KMT2A: variants seen among roughly 807,000 people sequenced by gnomAD.
KMT2A encodes lysine methyltransferase 2A.
Under a neutral mutation model 345.3 loss-of-function variants are expected in KMT2A, and 16 were observed. That is an observed-to-expected ratio of 0.05 (90% CI 0.03 to 0.07). KMT2A has a LOEUF of 0.07. Ranked by LOEUF, KMT2A falls within the 10% of genes least tolerant of loss-of-function variation. The probability of loss-of-function intolerance (pLI) is 1.00; values close to 1 mark genes in which losing one functional copy is unlikely to be tolerated. For synonymous variants in KMT2A, 1,599 were observed against 1,778.6 expected, an observed-to-expected ratio of 0.90 and a Z score of 2.54; for missense variants, 3,272 against 4,841.6, an observed-to-expected ratio of 0.68 and a Z score of 9.62.
chr11:118,451,207 C>CT (rs1167567348), intron 1 of KMT2A, among the ~76,000 whole-genome samples: 18,503 of 120,996 alleles, frequency 0.15, 1,998 homozygotes, highest in East Asian at 0.51. Context: ...CTATCTAATT[C>CT]TTTTTTTTTT....
At position 118,503,987 on chromosome 11, in the gene KMT2A, C is replaced by G; in HGVS notation, c.8095C>G (p.Arg2699Gly). The G allele has an allele frequency of 6.2e-7, 1 of 1,614,148 alleles. No individual in the cohort carries two copies. The highest frequency in any genetic ancestry group is 2.2e-5 in the East Asian group (1 of 44,892). ...RTVISSGGEERLASHNLFREE... is the reference protein window; with the variant it reads ...RTVISSGGEEGLASHNLFREE... ...AGTGATTTCTTCAGGTGGAGAGGAA[C>G]GACTGGCATCCCATAATTTATTTCG... The change falls in exon 27 of 36, where the codon CGA becomes GGA. Residue 2699 changes from arginine (R) to glycine (G), a missense_variant. Physicochemically the swap from Arg to Gly is moderately radical, Grantham distance 125 (BLOSUM62 -2). Coordinates refer to ENST00000534358, the MANE Select transcript of KMT2A (RefSeq NM_001197104.2). This position sits in a 1 kb window ranked among gnomAD's most constrained non-coding sequence, Gnocchi z 5.3.
chr11:118,468,044 A>C (rs910305382), intron 1 of KMT2A, among the ~76,000 whole-genome samples: 15 of 152,146 alleles, frequency 9.9e-5, no homozygotes, highest in African/African-American at 1.4e-4. Context: ...ATTAGAGGTA[A>C]GCAGAAGCTT....
chr11:118,522,409 A>G lies in KMT2A; in HGVS notation c.*237A>G. On this transcript the variant is annotated 3_prime_UTR_variant, in exon 36 of 36. Transcript: ENST00000534358. The surrounding 1 kb of genome is among the most constrained non-coding windows in gnomAD (Gnocchi z 5.4). ...ATCGGCTTTCTCCTGGGGCCCCTCCAATTGTTTACTGTTAGAAAGTGGGAA... is the reference window on the plus strand; with the variant it reads ...ATCGGCTTTCTCCTGGGGCCCCTCCGATTGTTTACTGTTAGAAAGTGGGAA... 4.0e-6 allele frequency: 2 copies of G among 497,218 alleles called. No individual in the cohort carries two copies. Among genetic ancestry groups the G allele is most frequent in the Non-Finnish European group, 7.3e-6 (2 of 275,628 alleles). 30.8% of individuals were successfully genotyped at this position (497,218 alleles called of 1,614,324 possible).
chr11:118,474,039 A>G lies in KMT2A; in HGVS notation c.2880A>G (p.Ile960Met), dbSNP rs782199640. 25 of 1,613,634 alleles carry G rather than the reference A, an allele frequency of 1.5e-5. No individual in the cohort carries two copies. The highest frequency in any genetic ancestry group is 2.1e-5 in the Non-Finnish European group (25 of 1,179,924). ...LGDTTAVKTK[I>M]LIKKGRGNLE... ...ATACAACAGCTGTCAAAACCAAAAT[A>G]CTTATAAAGAAAGGGAGAGGAAATC... Residue 960 changes from isoleucine (I) to methionine (M), a missense_variant, in exon 3 of 36, where the codon ATA (isoleucine) becomes ATG (methionine). Ile to Met is a conservative substitution (Grantham distance 10). Coordinates refer to ENST00000534358, the MANE Select transcript of KMT2A (RefSeq NM_001197104.2).
At position 118,468,798 on chromosome 11, in the gene KMT2A, C is replaced by T. The variant is rs782503601; in HGVS notation, c.456C>T (p.Gly152=). The T allele has an allele frequency of 6.2e-6, 10 of 1,612,706 alleles. No homozygotes were observed. Among genetic ancestry groups the T allele is most frequent in the African/African-American group, 4.0e-5 (3 of 74,860 alleles). ...SGEDEQFLGF[G]SDEEVRVRSP... ...AGGATGAGCAATTCTTAGGTTTTGG[C>T]TCAGATGAAGAAGTCAGAGTGCGAA... The change falls in exon 2 of 36, where the codon GGC becomes GGT. Residue 152 remains glycine, a synonymous_variant. Transcript: ENST00000534358.
At chr11:118,517,455 T>G (rs1354686777) in intron 31 of KMT2A, among the ~76,000 whole-genome samples, 1 of 151,954 alleles carries the variant, frequency 6.6e-6, no homozygotes, top group African/African-American at 2.4e-5. Flanking sequence ...TTATATGGCT[T>G]AAGTTCTTAT....
At position 118,510,214 on chromosome 11, in the gene KMT2A, A is replaced by G; in HGVS notation, c.11071+96A>G. Reference sequence around the variant, plus strand: ...TTAGCACCATTTAGGTGGCTGTTTTATGCTAGATGGTAGGGGGATACCTGG... The same window carrying G: ...TTAGCACCATTTAGGTGGCTGTTTTGTGCTAGATGGTAGGGGGATACCTGG... On this transcript the variant is annotated intron_variant, in intron 30 of 35. Coordinates refer to ENST00000534358, the MANE Select transcript of KMT2A (RefSeq NM_001197104.2). This position sits in a 1 kb window ranked among gnomAD's most constrained non-coding sequence, Gnocchi z 4.1. 1.0e-6 allele frequency: 1 copy of G among 966,062 alleles called. No homozygotes were observed. The highest frequency in any genetic ancestry group is 1.5e-6 in the Non-Finnish European group (1 of 653,044). 59.8% of individuals were successfully genotyped at this position (966,062 alleles called of 1,614,324 possible). A position where few individuals can be genotyped will look rare whatever the true frequency, so the allele number is the denominator to read the frequency against.
chr11:118,457,959 G>A (rs557944528), intron 1 of KMT2A, among the ~76,000 whole-genome samples: 11 of 152,126 alleles, frequency 7.2e-5, no homozygotes, highest in African/African-American at 2.7e-4. Context: ...TTTTCATACC[G>A]TAGCCTAGGA....
intron 1 of KMT2A, among the ~76,000 whole-genome samples, chr11:118,441,222 T>G (rs1440839012): frequency 6.6e-6 from 1 of 152,004 alleles, no homozygotes; most frequent in African/African-American, 2.4e-5. Flanking sequence ...CAGGTGCATC[T>G]TGAACTCCTG....
chr11:118,496,468 A>G lies in KMT2A; in HGVS notation c.5664+101A>G, dbSNP rs1379047076. The G allele has an allele frequency of 1.4e-6, 1 of 717,670 alleles. No homozygotes were observed. Among genetic ancestry groups the G allele is most frequent in the Non-Finnish European group, 2.4e-6 (1 of 410,792 alleles). The allele number at this position is 717,670 out of a possible 1,614,324, so 44.5% of individuals were successfully genotyped here. Reference sequence around the variant, plus strand: ...TGACTGGGTGCCATTTATTTAATGAACTTACTTATAACTTACTAATTTATA... The same window carrying G: ...TGACTGGGTGCCATTTATTTAATGAGCTTACTTATAACTTACTAATTTATA... On this transcript the variant is annotated intron_variant, in intron 20 of 35. Transcript: ENST00000534358. This position sits in a 1 kb window ranked among gnomAD's most constrained non-coding sequence, Gnocchi z 4.7.
chr11:118,508,604 G>A (rs1468254898), intron 28 of KMT2A, among the ~76,000 whole-genome samples: 2 of 151,770 alleles, frequency 1.3e-5, no homozygotes, highest in African/African-American at 4.8e-5. Flanking sequence ...GCATGGTGGT[G>A]CACATCCACA....
intron 29 of KMT2A, 56 bp from the exon 30 acceptor site, chr11:118,509,892 G>C: frequency 7.7e-7 from 1 of 1,295,836 alleles, no homozygotes; most frequent in Non-Finnish European, 1.1e-6. Context: ...TCTACATGTA[G>C]TCAGTGCTCA....
rs1305836126 is a variant in KMT2A, at chr11:118,436,975, G to T, written c.432+31G>T. ...GGGGCGAGGAACCCCCAGGTCCGGG[G>T]TCTCGACCCTCTGCGGAGCCCCCTC... On this transcript the variant is annotated intron_variant, in intron 1 of 35. Coordinates refer to ENST00000534358, the MANE Select transcript of KMT2A (RefSeq NM_001197104.2). The surrounding 1 kb of genome is among the most constrained non-coding windows in gnomAD (Gnocchi z 6.9). The T allele has an allele frequency of 2.8e-6, 4 of 1,409,238 alleles. No homozygotes were observed. The highest frequency in any genetic ancestry group is 2.8e-6 in the Non-Finnish European group (3 of 1,071,948). 87.3% of individuals were successfully genotyped at this position (1,409,238 alleles called of 1,614,324 possible).
At chr11:118,446,035 G>A (rs906218996) in intron 1 of KMT2A, among the ~76,000 whole-genome samples, 1 of 151,950 alleles carries the variant, frequency 6.6e-6, no homozygotes, top group South Asian at 2.1e-4. Context: ...GAAAAGTACA[G>A]TTTTGCTGTA....
chr11:118,493,352 C>A lies in KMT2A; in HGVS notation c.5178+122C>A. 1 of 721,550 alleles carries A rather than the reference C, an allele frequency of 1.4e-6. No homozygotes were observed. Among genetic ancestry groups the A allele is most frequent in the Non-Finnish European group, 2.1e-6 (1 of 471,964 alleles). 44.7% of individuals were successfully genotyped at this position (721,550 alleles called of 1,614,324 possible). A position where few individuals can be genotyped will look rare whatever the true frequency, so the allele number is the denominator to read the frequency against. On this transcript the variant is annotated intron_variant, in intron 16 of 35. Coordinates refer to ENST00000534358, the MANE Select transcript of KMT2A (RefSeq NM_001197104.2). This position sits in a 1 kb window ranked among gnomAD's most constrained non-coding sequence, Gnocchi z 5.8. ...AATTGTATTATATTTAGAAATGTCACGTGGCTTTAGATACCTAAAAATGTA... is the reference window on the plus strand; with the variant it reads ...AATTGTATTATATTTAGAAATGTCAAGTGGCTTTAGATACCTAAAAATGTA...
At chr11:118,478,285 C>A in intron 5 of KMT2A, 84 bp downstream of exon 5, 3 of 1,008,830 alleles carry the variant, frequency 3.0e-6, no homozygotes, top group South Asian at 1.5e-5. Context: ...AGAGATACAT[C>A]AGGAAACTGA....
Position 118,491,056 on chromosome 11 carries a change from C to T in KMT2A, c.4697-140C>T. The T allele has an allele frequency of 1.4e-6, 1 of 734,962 alleles. No individual in the cohort carries two copies. The allele number at this position is 734,962 out of a possible 1,614,324, so 45.5% of individuals were successfully genotyped here. A position where few individuals can be genotyped will look rare whatever the true frequency, so the allele number is the denominator to read the frequency against. On this transcript the variant is annotated intron_variant, in intron 13 of 35. Transcript: ENST00000534358. The surrounding 1 kb of genome is among the most constrained non-coding windows in gnomAD (Gnocchi z 4.2). ...AATCTTGAGACTGCAGATGTGTGAA[C>T]ATTCCACAGTAGATCCATGCTGGTG...
At chr11:118,441,599 AAAG>A (rs1949315509) in intron 1 of KMT2A, among the ~76,000 whole-genome samples, 1 of 152,208 alleles carries the variant, frequency 6.6e-6, no homozygotes, top group South Asian at 2.1e-4. Context: ...TTTTGAATGA[AAAG>A]AAAAATCCAA....
intron 1 of KMT2A, among the ~76,000 whole-genome samples, chr11:118,442,426 CCA>C (rs1311320967): frequency 6.6e-6 from 1 of 152,148 alleles, no homozygotes; most frequent in African/African-American, 2.4e-5. Flanking sequence ...AAAGAGGATG[CCA>C]CAGAGTTCAC....
Sources: allele counts gnomAD v4.1 joint callset (sites outside exome capture counted in the v4.1 genomes callset), GRCh38; gene constraint gnomAD v4.1.1; non-coding constraint Gnocchi (gnomAD v3.1); transcripts MANE v1.5; gene names NCBI Gene and HGNC (gene_info 2026-07-23, HGNC 2026-07-21).